The following PFKFB1 variants were observed in gnomAD, a reference collection of about 807,000 sequenced individuals.
The protein encoded by PFKFB1 is 6-phosphofructo-2-kinase/fructose-2,6-biphosphatase 1.
Under a neutral mutation model 46.4 loss-of-function variants are expected in PFKFB1, and 34 were observed. That is an observed-to-expected ratio of 0.73 (90% confidence interval 0.56 to 0.98). The LOEUF (loss-of-function observed/expected upper bound fraction) is 0.98. Ranked by LOEUF, PFKFB1 falls within the 50% of genes least tolerant of loss-of-function variation. The pLI is 0.00. For synonymous variants in PFKFB1, 119 were observed against 133.8 expected (o/e 0.89, Z 0.76); for missense variants, 393 against 376.3 (o/e 1.04, Z -0.37).
intron 10 of PFKFB1, among the ~76,000 whole-genome samples, chrX:54,938,500 A>G (rs931521215): frequency 9.0e-6 from 1 of 111,544 alleles, no homozygotes; most frequent in Admixed American, 9.6e-5. Flanking sequence ...CAGGAAACCC[A>G]TCTCACATGC....
At chrX:54,987,802 C>T (rs1189880043) in intron 1 of PFKFB1, among the ~76,000 whole-genome samples, 1 of 110,453 alleles carries the variant, frequency 9.1e-6, no homozygotes, top group Non-Finnish European at 1.9e-5. Context: ...AAACCAACAA[C>T]AAATTAAAAC....
chrX:54,937,480 A>C (rs1208686692), intron 11 of PFKFB1, 115 bp downstream of exon 11: 1 of 654,317 alleles, frequency 1.5e-6, no homozygotes, highest in African/African-American at 2.2e-5. Context: ...ATCTGAACCT[A>C]GGCATCCTTG....
chrX:54,951,172 G>A (rs1212401210), intron 8 of PFKFB1, among the ~76,000 whole-genome samples: 1 of 113,060 alleles, frequency 8.8e-6, no homozygotes, highest in East Asian at 2.8e-4. Context: ...CAGGCACAGG[G>A]CCAAATGCTG....
chrX:54,972,710 C>G (rs1934710243), intron 1 of PFKFB1, among the ~76,000 whole-genome samples: 1 of 111,536 alleles, frequency 9.0e-6, no homozygotes, highest in South Asian at 3.8e-4. Context: ...GGTGGATAAG[C>G]TTTTTGATGT....
chrX:54,951,659 G>A (rs1212349394), intron 8 of PFKFB1, among the ~76,000 whole-genome samples: 1 of 112,669 alleles, frequency 8.9e-6, no homozygotes, highest in East Asian at 2.8e-4. Flanking sequence ...GGAGCAGCTG[G>A]CTTTGGGCAG....
intron 8 of PFKFB1, among the ~76,000 whole-genome samples, chrX:54,950,309 G>A (rs1047428500): frequency 3.6e-5 from 4 of 111,728 alleles, no homozygotes; most frequent in African/African-American, 1.3e-4. Flanking sequence ...TCCCTTACAT[G>A]GTCCCTTGTG....
At chrX:54,942,533 C>G (rs887868287) in intron 10 of PFKFB1, among the ~76,000 whole-genome samples, 4 of 111,585 alleles carry the variant, frequency 3.6e-5, no homozygotes, top group African/African-American at 1.3e-4. Context: ...GCTCCCAGGA[C>G]TGCTTAGAAG....
rs147830659 is a variant in PFKFB1 at position 54,960,848 on chromosome X, T to A, written c.293A>T (p.Asn98Ile). ...YKNYEFFLPD[N>I]MEALQIRKQC... ...CTTCCTGATTTGCAGGGCTTCCATG[T>A]TGTCTGGAAGAAAGAATTCATAGTT... Residue 98 changes from asparagine (N) to isoleucine (I), a missense_variant, in exon 3 of 14, where the codon AAC becomes ATC. By Grantham distance (149) the Asn-to-Ile change is moderately radical (BLOSUM62 -3). Transcript: ENST00000375006. 7.4e-5 allele frequency: 88 copies of A among 1,185,259 alleles called. No homozygotes were observed. Among genetic ancestry groups the A allele is most frequent in the Non-Finnish European group, 5.5e-5 (48 of 875,935 alleles).
At chrX:54,947,359 T>G (rs1361138018) in intron 9 of PFKFB1, among the ~76,000 whole-genome samples, 1 of 111,845 alleles carries the variant, frequency 8.9e-6, no homozygotes, top group African/African-American at 3.2e-5. Flanking sequence ...AAGACAGGAA[T>G]GAATTAGATC....
chrX:54,943,068 A>C lies in PFKFB1; in HGVS notation c.1098+2371T>G, dbSNP rs1445484817. ...AGAAGATAATAGAATGTGAGAGATG[A>C]ATTTTTAAAGATAAATTGTCTGAGA... is the stretch of plus-strand genomic sequence containing the variant. On this transcript the variant is annotated intron_variant, in intron 10 of 13. Transcript: ENST00000375006. Among the ~76,000 whole-genome samples the C allele has an allele frequency of 4.5e-5, 5 of 111,913 alleles. No homozygotes were observed. The East Asian group carries it at 1.1e-3, about 25-fold the overall frequency.
intron 12 of PFKFB1, 127 bp from the exon 13 acceptor site, chrX:54,934,012 C>T (rs1005710402): frequency 6.1e-6 from 3 of 493,868 alleles, no homozygotes; most frequent in Non-Finnish European, 7.0e-6. Flanking sequence ...GATCATGACT[C>T]GCCTGTATGG....
In PFKFB1 at chrX:54,933,307, A is replaced by G; in HGVS notation, c.*96T>C. The G allele has an allele frequency of 1.4e-6, 1 of 733,409 alleles. No individual in the cohort carries two copies. 60.4% of individuals were successfully genotyped at this position (733,409 alleles called of 1,213,427 possible). A position where few individuals can be genotyped will look rare whatever the true frequency, so the allele number is the denominator to read the frequency against. ...TTCTTCACTGGAAGTGGGGTGCCTC[A>G]GTGAGGCCAAGGCAGAGTAGGAGAA... On this transcript the variant is annotated 3_prime_UTR_variant, in exon 14 of 14. Transcript: ENST00000375006.
At chrX:54,948,398 T>C (rs1253935725) in intron 9 of PFKFB1, among the ~76,000 whole-genome samples, 1 of 112,352 alleles carries the variant, frequency 8.9e-6, no homozygotes, top group Non-Finnish European at 1.9e-5. Flanking sequence ...GAGTGGGCTT[T>C]TTTGAAAAAT....
At chrX:54,998,547 G>A, upstream of PFKFB1, 2 of 581,756 alleles carry the variant, frequency 3.4e-6, no homozygotes, top group South Asian at 2.6e-5. Context: ...AGAAGGCTGA[G>A]GACGTACCCT....
At chrX:54,967,338 A>T (rs918403375) in intron 1 of PFKFB1, among the ~76,000 whole-genome samples, 4 of 112,421 alleles carry the variant, frequency 3.6e-5, no homozygotes, top group African/African-American at 6.4e-5. Context: ...TGGAACAAAT[A>T]TTTAAAACAG....
At chrX:54,957,152 G>A (rs989308179) in intron 6 of PFKFB1, among the ~76,000 whole-genome samples, 2 of 111,509 alleles carry the variant, frequency 1.8e-5, no homozygotes, top group Non-Finnish European at 3.8e-5. Flanking sequence ...CCACACATTT[G>A]GCTTTAGCCA....
chrX:54,941,140 G>C lies in PFKFB1; in HGVS notation c.1099-3416C>G, dbSNP rs2146597924. Among the ~76,000 whole-genome samples the C allele has an allele frequency of 1.8e-5, 2 of 112,139 alleles. 1 individual carries two copies. The highest frequency in any genetic ancestry group is 1.9e-4 in the Admixed American group (2 of 10,628). On this transcript the variant is annotated intron_variant, in intron 10 of 13. Coordinates refer to ENST00000375006, the MANE Select transcript of PFKFB1 (RefSeq NM_002625.4). ...AAACCTGAGAAAAACAAGCAATGGG[G>C]AAAGGCTTCCCTATTTAATAAACGG... is the stretch of plus-strand genomic sequence containing the variant.
In PFKFB1 at chrX:54,934,524, G is replaced by C. The variant is rs1395702857; in HGVS notation, c.1291+423C>G. 2.7e-5 allele frequency among the ~76,000 whole-genome samples: 3 copies of C among 111,670 alleles called. No homozygotes were observed. The Admixed American group carries it at 2.8e-4, about 11-fold the overall frequency. On this transcript the variant is annotated intron_variant, in intron 12 of 13. Coordinates refer to ENST00000375006, the MANE Select transcript of PFKFB1 (RefSeq NM_002625.4). ...CAGGCTTCAGTAGGTCATCTGCCCT[G>C]TTCGCACCCCAGAATAGATTTGATT...
intron 10 of PFKFB1, among the ~76,000 whole-genome samples, chrX:54,941,322 T>C (rs1167872789): frequency 8.9e-6 from 1 of 112,012 alleles, no homozygotes; most frequent in Non-Finnish European, 1.9e-5. Context: ...ATTCAGGACA[T>C]AGGCATGGGC....
Sources: allele counts gnomAD v4.1 joint callset (sites outside exome capture counted in the v4.1 genomes callset), GRCh38; gene constraint gnomAD v4.1.1; transcripts MANE v1.5; gene names NCBI Gene and HGNC (gene_info 2026-07-23, HGNC 2026-07-21).